RTN4: variants seen among roughly 807,000 people sequenced by gnomAD.
RTN4 encodes the protein reticulon-4.
A neutral mutation model predicts 90.4 loss-of-function variants in RTN4; 32 were observed. That is an observed-to-expected ratio of 0.35 (90% CI 0.27 to 0.48). RTN4 has a LOEUF of 0.48. RTN4 is among the 20% of genes least tolerant of loss of function. RTN4 has a pLI of 0.99. For missense variants in RTN4, 1,706 were observed against 1,430.2 expected (o/e 1.19, Z -3.11); for synonymous variants, 629 against 552.5 (o/e 1.14, Z -1.94).
At chr2:54,973,686 T>C (rs923660856) in intron 7 of RTN4, 65 bp from the exon 8 acceptor site, 4 of 1,509,408 alleles carry the variant, frequency 2.7e-6, no homozygotes, top group Admixed American at 1.7e-5. Context: ...CTACTATGTG[T>C]CAAGCTAAAG....
At chr2:55,103,809 C>A (rs1667895301) in intron 1 of RTN4, among the ~76,000 whole-genome samples, 1 of 150,858 alleles carries the variant, frequency 6.6e-6, no homozygotes, top group Non-Finnish European at 1.5e-5. Context: ...ATTCTCCTGC[C>A]CCAGTCTCCC....
chr2:55,036,029 T>A (rs1185431836), intron 1 of RTN4, among the ~76,000 whole-genome samples: 1 of 152,088 alleles, frequency 6.6e-6, no homozygotes, highest in Non-Finnish European at 1.5e-5. Context: ...ATATAAAACA[T>A]CTAATGAATA....
intron 3 of RTN4, chr2:55,010,321 T>C (rs1374706317): frequency 1.4e-6 from 2 of 1,391,946 alleles, no homozygotes; most frequent in Admixed American, 5.9e-5. Flanking sequence ...CGCAGTGCAA[T>C]CTGTAACTAG....
chr2:55,026,225 G>C lies in RTN4; in HGVS notation c.1874C>G (p.Pro625Arg). 1.9e-6 allele frequency: 3 copies of C among 1,613,746 alleles called. No homozygotes were observed. The highest frequency in any genetic ancestry group is 2.5e-6 in the Non-Finnish European group (3 of 1,179,892). ...CTGTATCACGGAAGCACCAGCACTA[G>C]GAACTGCAGAATTCAATGGTGCTTC... ...VMEAPLNSAV[P>R]SAGASVIQPS... Residue 625 changes from proline (P) to arginine (R), a missense_variant, in exon 3 of 9, where the codon CCT becomes CGT. Physicochemically the swap from Pro to Arg is moderately radical, Grantham distance 103. Coordinates refer to ENST00000337526, the MANE Select transcript of RTN4 (RefSeq NM_020532.5).
chr2:55,088,256 C>T (rs1051448977), intron 1 of RTN4, among the ~76,000 whole-genome samples: 5 of 152,096 alleles, frequency 3.3e-5, no homozygotes, highest in African/African-American at 7.2e-5. Flanking sequence ...TATTCATGGA[C>T]GTAGGGAAGG....
intron 2 of RTN4, among the ~76,000 whole-genome samples, chr2:55,072,480 C>CA (rs1305199243): frequency 9.2e-5 from 14 of 152,204 alleles, no homozygotes; most frequent in African/African-American, 3.1e-4. Context: ...CCGCCTGCCT[C>CA]AGCCTCCCAA....
At chr2:55,068,254 C>G (rs1461499765) in intron 2 of RTN4, among the ~76,000 whole-genome samples, 1 of 152,176 alleles carries the variant, frequency 6.6e-6, no homozygotes, top group Non-Finnish European at 1.5e-5. Context: ...TACCCTGCTA[C>G]ATTAAAATCC....
intron 2 of RTN4, among the ~76,000 whole-genome samples, chr2:55,071,778 T>C (rs1360309788): frequency 6.6e-6 from 1 of 152,148 alleles, no homozygotes; most frequent in Non-Finnish European, 1.5e-5. Context: ...TTTTAGAGAT[T>C]CTATGGATTT....
At chr2:54,994,808 CACTT>C (rs1679286383) in intron 3 of RTN4, among the ~76,000 whole-genome samples, 1 of 152,196 alleles carries the variant, frequency 6.6e-6, no homozygotes, top group African/African-American at 2.4e-5. Context: ...AGTAAATCCT[CACTT>C]AAATGTTGAG....
intron 1 of RTN4, among the ~76,000 whole-genome samples, chr2:55,046,042 G>A (rs1380295011): frequency 1.3e-5 from 2 of 152,172 alleles, no homozygotes; most frequent in Admixed American, 1.3e-4. Context: ...ACAGCAAACA[G>A]TAAAATTACA....
At chr2:55,047,882 G>T (rs1323104189) in intron 1 of RTN4, among the ~76,000 whole-genome samples, 1 of 152,282 alleles carries the variant, frequency 6.6e-6, no homozygotes, top group East Asian at 1.9e-4. Context: ...TTAGGTGAAT[G>T]AAAGAACTTG....
intron 3 of RTN4, among the ~76,000 whole-genome samples, chr2:55,011,449 C>T (rs1303017858): frequency 6.6e-6 from 1 of 152,170 alleles, no homozygotes; most frequent in Non-Finnish European, 1.5e-5. Context: ...ACAATCAATT[C>T]ACCTGATACT....
chr2:55,079,473 G>C (rs1384793637), intron 2 of RTN4, among the ~76,000 whole-genome samples: 1 of 152,176 alleles, frequency 6.6e-6, no homozygotes, highest in Admixed American at 6.5e-5. Flanking sequence ...AGCAAGGAAA[G>C]CACACATGTC....
chr2:54,992,133 G>A (rs561284498), intron 3 of RTN4, among the ~76,000 whole-genome samples: 3 of 152,138 alleles, frequency 2.0e-5, no homozygotes, highest in Non-Finnish European at 4.4e-5. Context: ...AGACCAGGCT[G>A]GGAAACACAG....
At chr2:55,035,382 C>A (rs1252471321) in intron 1 of RTN4, among the ~76,000 whole-genome samples, 7 of 151,790 alleles carry the variant, frequency 4.6e-5, no homozygotes, top group African/African-American at 7.3e-5. Context: ...CTACAGAATT[C>A]TAAATAATCC....
intron 3 of RTN4, 62 bp from the exon 4 acceptor site, chr2:54,987,760 T>G: frequency 2.8e-6 from 4 of 1,417,862 alleles, no homozygotes; most frequent in Non-Finnish European, 3.9e-6. Flanking sequence ...ATTTGCTCCA[T>G]CTATGAAAAC....
At chr2:55,127,186 T>C in the RTN4 span, among the ~76,000 whole-genome samples, 103 of 151,968 alleles carry the variant, frequency 6.8e-4, no homozygotes, top group Admixed American at 1.6e-3. Context: ...AACCTTTAAT[T>C]AAAAAAAAGA....
chr2:54,980,428 A>G (rs1208787354), intron 5 of RTN4, among the ~76,000 whole-genome samples: 1 of 152,202 alleles, frequency 6.6e-6, no homozygotes, highest in African/African-American at 2.4e-5. Flanking sequence ...ACAAGTGGAA[A>G]CTTTATACTC....
At chr2:55,052,035 A>T (rs1303837879), upstream of RTN4, among the ~76,000 whole-genome samples, 1 of 152,186 alleles carries the variant, frequency 6.6e-6, no homozygotes, top group Non-Finnish European at 1.5e-5. Flanking sequence ...TAATTTGGGT[A>T]TTAAAAAAGA....
Sources: allele counts gnomAD v4.1 joint callset (sites outside exome capture counted in the v4.1 genomes callset), GRCh38; gene constraint gnomAD v4.1.1; transcripts MANE v1.5; gene names NCBI Gene and HGNC (gene_info 2026-07-23, HGNC 2026-07-21).